The following ERBIN variants were observed in gnomAD, a reference collection of about 807,000 sequenced individuals.
ERBIN encodes the protein erbb2 interacting protein.
ERBIN carries 60 observed loss-of-function variants against 158.4 expected under a neutral mutation model. The observed-to-expected ratio is 0.38, with a 90% CI of 0.31 to 0.47. The LOEUF (loss-of-function observed/expected upper bound fraction) is 0.47, where lower values mean the gene tolerates loss of function less well. Among genes scored for constraint, ERBIN ranks in the 20% least tolerant of loss-of-function variants. The pLI is 0.99. For missense variants in ERBIN, 1,610 were observed against 1,648.0 expected (o/e 0.98, Z 0.40); for synonymous variants, 594 against 557.2 (o/e 1.07, Z -0.93).
chr5:66,021,636 T>G (rs1291065226), intron 8 of ERBIN, among the ~76,000 whole-genome samples: 1 of 152,048 alleles, frequency 6.6e-6, no homozygotes, highest in Non-Finnish European at 1.5e-5. Flanking sequence ...TAAACAATTT[T>G]TAGCATAGGA....
intron 1 of ERBIN, among the ~76,000 whole-genome samples, chr5:65,945,932 T>C (rs1745687702): frequency 6.6e-6 from 1 of 152,220 alleles, no homozygotes; most frequent in Non-Finnish European, 1.5e-5. Flanking sequence ...GGAATTTTGG[T>C]AGTCAAGATA....
rs971261321 is a variant in ERBIN at position 66,079,390 on chromosome 5, A to T, written c.*860A>T. ...TCCACTGATTTTTTTTTTTTTTTCA[A>T]ATGGTGGTACTTGCAATCTGTTTTA... On this transcript the variant is annotated 3_prime_UTR_variant, in exon 26 of 26. Transcript: ENST00000284037. The T allele has an allele frequency of 4.0e-5, 6 of 150,916 alleles. No homozygotes were observed. The highest frequency in any genetic ancestry group is 1.5e-4 in the African/African-American group (6 of 41,100). 9.3% of individuals were successfully genotyped at this position (150,916 alleles called of 1,614,324 possible). A position where few individuals can be genotyped will look rare whatever the true frequency, so the allele number is the denominator to read the frequency against.
In ERBIN at chr5:65,937,111, T is replaced by TA. The variant is rs547025779; in HGVS notation, c.-58+10306dup. The stretch of plus-strand genomic sequence containing the variant: ...TGTCAATTCTTTTAGGTATAGTACA[T>TA]ATACAGTGTGCCTTTTGTGTTCTAC... On this transcript the variant is annotated intron_variant, in intron 1 of 25. Transcript: ENST00000284037. Among the ~76,000 whole-genome samples, 35 of 152,362 alleles carry TA rather than the reference T, an allele frequency of 2.3e-4. No homozygotes were observed. In the East Asian group the frequency reaches 6.5e-3, roughly 28 times the overall value.
chr5:66,041,458 T>G (rs1480033964), intron 15 of ERBIN, among the ~76,000 whole-genome samples: 1 of 151,970 alleles, frequency 6.6e-6, no homozygotes, highest in African/African-American at 2.4e-5. Context: ...AGCTAAAATA[T>G]TAGAGTCCTC....
In ERBIN at chr5:66,054,334, C is replaced by G; in HGVS notation, c.3016C>G (p.Pro1006Ala). The G allele has an allele frequency of 6.2e-7, 1 of 1,614,138 alleles. No homozygotes were observed. The highest frequency in any genetic ancestry group is 8.5e-7 in the Non-Finnish European group (1 of 1,180,020). ...TCCCCAAATAGACCATGCCAGTTTT[C>G]CTCCTCAGCTCCTTCCTAGATCAGA... ...QNPQIDHASF[P>A]PQLLPRSEST... Residue 1006 changes from proline to alanine, a missense_variant, in exon 21 of 26, where the codon CCT (proline) becomes GCT (alanine). Physicochemically the swap from Pro to Ala is conservative, Grantham distance 27 (BLOSUM62 -1). Around this residue, in one of 2 missense-constraint regions of ERBIN, gnomAD observed 1,014 missense variants for 936.1 expected, o/e 1.08. Coordinates refer to ENST00000284037, the MANE Select transcript of ERBIN (RefSeq NM_001253697.2).
At chr5:65,940,656 C>G (rs1744845363) in intron 1 of ERBIN, among the ~76,000 whole-genome samples, 1 of 142,558 alleles carries the variant, frequency 7.0e-6, no homozygotes, top group Non-Finnish European at 1.5e-5. Flanking sequence ...GGGGGTCAGC[C>G]CCCCGCCCGG....
rs116295090 is a variant in ERBIN, at chr5:66,040,180, A to G, written c.1306+1698A>G. Among the ~76,000 whole-genome samples the G allele has an allele frequency of 6.3e-3, 952 of 152,050 alleles. 12 individuals are homozygous for G. The highest frequency in any genetic ancestry group is 0.022 in the African/African-American group (912 of 41,548). ...CTCCAAAATAGATGCTATTATCATT[A>G]GTTGCTTCTCACAAAGCTTAAAATA... On this transcript the variant is annotated intron_variant, in intron 15 of 25. Transcript: ENST00000284037.
intron 1 of ERBIN, among the ~76,000 whole-genome samples, chr5:65,943,593 A>G (rs1313767606): frequency 6.6e-6 from 1 of 152,182 alleles, no homozygotes; most frequent in South Asian, 2.1e-4. Flanking sequence ...CATCCTGTTC[A>G]TCCAAGTCCA....
intron 14 of ERBIN, 144 bp from the exon 15 acceptor site, chr5:66,038,239 G>A: frequency 2.2e-6 from 1 of 450,652 alleles, no homozygotes; most frequent in Non-Finnish European, 4.1e-6. Flanking sequence ...AATGCCTAAA[G>A]TGTTATTGTG....
In ERBIN at chr5:66,013,452, TC is replaced by T. The variant is rs1394469688; in HGVS notation, c.387-96del. The T allele has an allele frequency of 4.4e-6, 4 of 905,348 alleles. No homozygotes were observed. The East Asian group carries it at 7.2e-5, about 16-fold the overall frequency. 56.1% of individuals were successfully genotyped at this position (905,348 alleles called of 1,614,324 possible). ...CCACTCATAACAGAAGCGACTGTTT[TC>T]TGTCTGTTGGGAAAATATCTTGTGA... On this transcript the variant is annotated intron_variant, in intron 5 of 25. Coordinates refer to ENST00000284037, the MANE Select transcript of ERBIN (RefSeq NM_001253697.2).
At chr5:65,970,952 C>T (rs1043897856) in intron 1 of ERBIN, among the ~76,000 whole-genome samples, 1 of 152,086 alleles carries the variant, frequency 6.6e-6, no homozygotes, top group South Asian at 2.1e-4. Flanking sequence ...GTGTTCAGCA[C>T]CTAGTAGTAA....
At chr5:65,995,538 T>G (rs1254715074) in intron 4 of ERBIN, among the ~76,000 whole-genome samples, 1 of 152,210 alleles carries the variant, frequency 6.6e-6, no homozygotes, top group Non-Finnish European at 1.5e-5. Flanking sequence ...TGATGGACAC[T>G]TAGGTTGGTT....
At chr5:66,016,946 G>A (rs1754807840) in intron 7 of ERBIN, among the ~76,000 whole-genome samples, 1 of 151,934 alleles carries the variant, frequency 6.6e-6, no homozygotes, top group African/African-American at 2.4e-5. Flanking sequence ...ACATGTGAAT[G>A]AGTACATGCA....
chr5:65,951,637 AC>A (rs1239263238), intron 1 of ERBIN, among the ~76,000 whole-genome samples: 2 of 152,164 alleles, frequency 1.3e-5, no homozygotes, highest in African/African-American at 4.8e-5. Flanking sequence ...TAAATGAAAA[AC>A]AAAAAATCAA....
chr5:66,023,707 G>C (rs1300944951), intron 9 of ERBIN, among the ~76,000 whole-genome samples: 4 of 139,532 alleles, frequency 2.9e-5, no homozygotes, highest in Non-Finnish European at 6.1e-5. Context: ...ACAGAGTCTC[G>C]CTCTGTTGCC....
chr5:65,933,987 C>A (rs1405652922), intron 1 of ERBIN, among the ~76,000 whole-genome samples: 1 of 152,142 alleles, frequency 6.6e-6, no homozygotes, highest in African/African-American at 2.4e-5. Context: ...GCTCCACCTC[C>A]TGGATTCACG....
At position 66,046,481 on chromosome 5, in the gene ERBIN, AAAT is replaced by A; in HGVS notation, c.1733_1735del (p.Asn578del). The A allele has an allele frequency of 6.2e-7, 1 of 1,611,416 alleles. No individual in the cohort carries two copies. The highest frequency in any genetic ancestry group is 8.5e-7 in the Non-Finnish European group (1 of 1,178,414). ...GTCCTGGGAGTTTACCAGTGACTGC[AAAT>A]ATGAAAGCCTCTGAGAACTTGAAGC... On this transcript the variant is annotated inframe_deletion, in exon 18 of 26. Coordinates refer to ENST00000284037, the MANE Select transcript of ERBIN (RefSeq NM_001253697.2).
intron 1 of ERBIN, among the ~76,000 whole-genome samples, chr5:65,961,778 A>G (rs940967813): frequency 1.3e-5 from 2 of 151,998 alleles, no homozygotes; most frequent in Non-Finnish European, 2.9e-5. Flanking sequence ...ATGTGTGGTG[A>G]TGAATTTTAG....
At chr5:65,996,640 A>G (rs1752476510) in intron 4 of ERBIN, among the ~76,000 whole-genome samples, 1 of 152,028 alleles carries the variant, frequency 6.6e-6, no homozygotes, top group South Asian at 2.1e-4. Flanking sequence ...CATATGAATC[A>G]TAGGATTTTT....
Sources: allele counts gnomAD v4.1 joint callset (sites outside exome capture counted in the v4.1 genomes callset), GRCh38; gene constraint gnomAD v4.1.1; regional missense constraint gnomAD v4.1.1; transcripts MANE v1.5; gene names NCBI Gene and HGNC (gene_info 2026-07-23, HGNC 2026-07-21).